Variants in CCDC146 observed in about 807,000 individuals in gnomAD.
CCDC146 encodes the protein coiled-coil domain-containing protein 146.
In CCDC146, 92 loss-of-function variants were observed where a neutral mutation model predicts 119.3. The ratio of observed to expected loss-of-function variants is 0.77; its 90% CI spans 0.65 to 0.92. The LOEUF is 0.92. Among genes scored for constraint, CCDC146 ranks in the 40% least tolerant of loss-of-function variants. The pLI is 0.00. For missense variants in CCDC146, 1,000 were observed against 1,103.0 expected (o/e 0.91, Z 1.32); for synonymous variants, 372 against 371.8 (o/e 1.00, Z -0.01).
At chr7:77,146,456 T>A (rs974327766) in intron 1 of CCDC146, among the ~76,000 whole-genome samples, 2 of 152,210 alleles carry the variant, frequency 1.3e-5, no homozygotes, top group South Asian at 4.1e-4. Flanking sequence ...GTCATTATGA[T>A]GTTGGCTGGT....
chr7:77,172,516 G>A (rs1036475687), intron 2 of CCDC146, among the ~76,000 whole-genome samples: 4 of 152,198 alleles, frequency 2.6e-5, no homozygotes, highest in Admixed American at 1.3e-4. Context: ...AGTTGTCCCA[G>A]CACTGCCAAG....
At chr7:77,181,874 T>C (rs1292775485) in intron 2 of CCDC146, among the ~76,000 whole-genome samples, 1 of 152,216 alleles carries the variant, frequency 6.6e-6, no homozygotes, top group Admixed American at 6.5e-5. Flanking sequence ...TTTTCTGAGG[T>C]TATAAATACG....
chr7:77,177,261 AT>A (rs1791514501), intron 2 of CCDC146, among the ~76,000 whole-genome samples: 1 of 152,016 alleles, frequency 6.6e-6, no homozygotes. Context: ...CCCTAATGAC[AT>A]TTCAATTTTT....
At chr7:77,225,109 A>G (rs1343256603) in intron 2 of CCDC146, among the ~76,000 whole-genome samples, 1 of 152,242 alleles carries the variant, frequency 6.6e-6, no homozygotes, top group African/African-American at 2.4e-5. Flanking sequence ...GATTATAATA[A>G]AATAGCTAAC....
intron 2 of CCDC146, among the ~76,000 whole-genome samples, chr7:77,223,787 A>C (rs1052972126): frequency 9.2e-5 from 14 of 152,280 alleles, no homozygotes; most frequent in African/African-American, 3.1e-4. Context: ...GTGAGGACTC[A>C]AAGATGAATA....
chr7:77,287,823 C>G (rs1407766474), intron 17 of CCDC146, among the ~76,000 whole-genome samples: 3 of 152,182 alleles, frequency 2.0e-5, no homozygotes, highest in South Asian at 2.1e-4. Flanking sequence ...TTTCACTTAC[C>G]AAGGCAACTA....
At chr7:77,172,536 A>G (rs1398285020) in intron 2 of CCDC146, among the ~76,000 whole-genome samples, 1 of 152,218 alleles carries the variant, frequency 6.6e-6, no homozygotes, top group Non-Finnish European at 1.5e-5. Context: ...GTTGCAATGC[A>G]TGGGTGTCAT....
At chr7:77,254,927 A>G (rs1793149665) in intron 5 of CCDC146, among the ~76,000 whole-genome samples, 1 of 152,262 alleles carries the variant, frequency 6.6e-6, no homozygotes, top group South Asian at 2.1e-4. Flanking sequence ...TACAAAGAAA[A>G]TGTATCACTT....
intron 2 of CCDC146, among the ~76,000 whole-genome samples, chr7:77,188,422 A>T (rs984531796): frequency 3.0e-4 from 46 of 152,216 alleles, no homozygotes; most frequent in African/African-American, 9.9e-4. Flanking sequence ...GCAAACTAGT[A>T]CTCTAATGAA....
chr7:77,143,980 G>A (rs962250230), intron 1 of CCDC146, among the ~76,000 whole-genome samples: 1 of 151,766 alleles, frequency 6.6e-6, no homozygotes, highest in Admixed American at 6.6e-5. Flanking sequence ...GATGGGGATG[G>A]CATTGAATCT....
Position 77,131,601 on chromosome 7 carries a change from C to T in CCDC146, c.-12+8869C>T, listed in dbSNP as rs539102232. 1.3e-5 allele frequency among the ~76,000 whole-genome samples: 2 copies of T among 152,198 alleles called. 1 individual carries two copies. Among genetic ancestry groups the T allele is most frequent in the South Asian group, 4.1e-4 (2 of 4,824 alleles). On this transcript the variant is annotated intron_variant, in intron 1 of 18. Transcript: ENST00000285871. The stretch of plus-strand genomic sequence containing the variant: ...GGCATGGTGGTGGGTGCCTGTAGTC[C>T]CAGCTATTTGAATGGCTGAGGCAGG...
chr7:77,287,306 G>C (rs746206511), intron 16 of CCDC146, 134 bp from the exon 17 acceptor site: 38 of 914,712 alleles, frequency 4.2e-5, no homozygotes, highest in Non-Finnish European at 1.9e-5. Context: ...GGCAGGGAAA[G>C]TCTTAACCCA....
At chr7:77,145,927 A>C (rs1188386847) in intron 1 of CCDC146, among the ~76,000 whole-genome samples, 1 of 152,062 alleles carries the variant, frequency 6.6e-6, no homozygotes, top group African/African-American at 2.4e-5. Flanking sequence ...GTAGATGTCT[A>C]TTAGGTCCAC....
chr7:77,232,513 T>C (rs1025257726), intron 2 of CCDC146, among the ~76,000 whole-genome samples: 10 of 152,250 alleles, frequency 6.6e-5, no homozygotes, highest in African/African-American at 2.4e-4. Context: ...TCTATGTCTG[T>C]TATTTTTTAC....
intron 16 of CCDC146, chr7:77,287,151 C>G (rs1793862892): frequency 1.6e-6 from 1 of 617,676 alleles, no homozygotes; most frequent in Non-Finnish European, 2.8e-6. Flanking sequence ...GCACATTTCT[C>G]TCATGACCCA....
rs894636950 is a variant in CCDC146 at position 77,176,295 on chromosome 7, C to A, written c.156+8471C>A. Among the ~76,000 whole-genome samples the A allele has an allele frequency of 6.0e-5, 9 of 151,082 alleles. 2 individuals carry two copies. The highest frequency in any genetic ancestry group is 2.2e-4 in the African/African-American group (9 of 40,658). ...TCCTACCATCTCACCAGTTAGAATGCCATTTCAGTGATGAAGATGTGAAGA... is the reference window on the plus strand; with the variant it reads ...TCCTACCATCTCACCAGTTAGAATGACATTTCAGTGATGAAGATGTGAAGA... On this transcript the variant is annotated intron_variant, in intron 2 of 18. Transcript: ENST00000285871.
chr7:77,225,470 T>C (rs1792491086), intron 2 of CCDC146, among the ~76,000 whole-genome samples: 1 of 151,816 alleles, frequency 6.6e-6, no homozygotes, highest in African/African-American at 2.4e-5. Context: ...GGAGTATCGC[T>C]TGAGCCACAG....
Position 77,196,827 on chromosome 7 carries a change from G to C in CCDC146, c.156+29003G>C. The C allele has an allele frequency of 6.2e-7, 1 of 1,614,098 alleles. No individual in the cohort carries two copies. Among genetic ancestry groups the C allele is most frequent in the Non-Finnish European group, 8.5e-7 (1 of 1,180,016 alleles). ...CTGGTGAAGTTGGTGCTCCCATCGAGACGTGCCTGCAGCACTGTCCAGCCT... is the reference window on the plus strand; with the variant it reads ...CTGGTGAAGTTGGTGCTCCCATCGACACGTGCCTGCAGCACTGTCCAGCCT... On this transcript the variant is annotated intron_variant, in intron 2 of 18. Transcript: ENST00000285871. The surrounding 1 kb of genome is among the most constrained non-coding windows in gnomAD (Gnocchi z 4.2).
intron 1 of CCDC146, among the ~76,000 whole-genome samples, chr7:77,140,077 C>A (rs1790912084): frequency 6.6e-6 from 1 of 151,734 alleles, no homozygotes. Flanking sequence ...GTATTTTTAG[C>A]AGAGACGAGG....
Sources: allele counts gnomAD v4.1 joint callset (sites outside exome capture counted in the v4.1 genomes callset), GRCh38; gene constraint gnomAD v4.1.1; non-coding constraint Gnocchi (gnomAD v3.1); transcripts MANE v1.5; gene names NCBI Gene and HGNC (gene_info 2026-07-23, HGNC 2026-07-21).